Variants in HMCN1 observed in about 807,000 individuals in gnomAD.
The protein encoded by HMCN1 is hemicentin-1.
A neutral mutation model predicts 625.9 loss-of-function variants in HMCN1; 321 were observed. The ratio of observed to expected loss-of-function variants is 0.51; its 90% CI spans 0.47 to 0.56. HMCN1 has a LOEUF of 0.56. HMCN1 is among the 20% of genes least tolerant of loss of function. The probability of loss-of-function intolerance (pLI) is 0.00; values close to 1 mark genes in which losing one functional copy is unlikely to be tolerated. For synonymous variants in HMCN1, 2,425 were observed against 2,417.6 expected (o/e 1.00, Z -0.09); for missense variants, 6,588 against 6,887.3 (o/e 0.96, Z 1.54).
intron 1 of HMCN1, among the ~76,000 whole-genome samples, chr1:185,738,540 C>G (rs963181637): frequency 2.0e-5 from 3 of 152,152 alleles, no homozygotes; most frequent in African/African-American, 7.2e-5. Context: ...TGATATACCA[C>G]ATTTTGTTTA....
chr1:185,930,942 AC>A (rs1386975138), intron 10 of HMCN1, among the ~76,000 whole-genome samples: 2 of 151,844 alleles, frequency 1.3e-5, no homozygotes, highest in African/African-American at 4.8e-5. Context: ...ACACACACAC[AC>A]AGAGTACTAA....
intron 89 of HMCN1, among the ~76,000 whole-genome samples, chr1:186,138,277 C>T (rs541637470): frequency 2.2e-4 from 33 of 152,258 alleles, no homozygotes; most frequent in African/African-American, 7.9e-4. Flanking sequence ...AACATCTAAT[C>T]CAGCCATCCA....
chr1:185,781,686 T>A (rs577967974), intron 1 of HMCN1, among the ~76,000 whole-genome samples: 132 of 152,272 alleles, frequency 8.7e-4, no homozygotes, highest in African/African-American at 3.0e-3. Flanking sequence ...CCTGAGTTCT[T>A]ATTTGATTGC....
chr1:185,930,643 C>CT (rs971832245), intron 10 of HMCN1, among the ~76,000 whole-genome samples: 1 of 152,074 alleles, frequency 6.6e-6, no homozygotes, highest in African/African-American at 2.4e-5. Context: ...TTTGCCAGCA[C>CT]TTTTTTTCTA....
intron 2 of HMCN1, 96 bp downstream of exon 2, chr1:185,846,192 T>G (rs550562248): frequency 9.9e-7 from 1 of 1,005,084 alleles, no homozygotes; most frequent in East Asian, 2.5e-5. Context: ...ACATAGTTGT[T>G]GGCTTTTTAA....
At chr1:186,067,742 A>G (rs1658220299) in intron 49 of HMCN1, 92 bp from the exon 50 acceptor site, 3 of 850,114 alleles carry the variant, frequency 3.5e-6, no homozygotes, top group Non-Finnish European at 3.9e-6. Context: ...CTAGGGAATG[A>G]AATTATACAA....
At position 186,086,112 on chromosome 1, in the gene HMCN1, G is replaced by A. The variant is rs1465173885; in HGVS notation, c.8885-134G>A. 4 of 805,874 alleles carry A rather than the reference G, an allele frequency of 5.0e-6. No homozygotes were observed. In the African/African-American group the frequency reaches 6.9e-5, roughly 14 times the overall value. The allele number at this position is 805,874 out of a possible 1,614,324, so 49.9% of individuals were successfully genotyped here. On this transcript the variant is annotated intron_variant, in intron 57 of 106. Transcript: ENST00000271588. ...TGATGAAGGCATTAGGGAATTGTAA[G>A]ACAGACAGCTAGATAATGAACAGAA...
chr1:185,873,960 T>G (rs1200649535), intron 4 of HMCN1, among the ~76,000 whole-genome samples: 1 of 151,994 alleles, frequency 6.6e-6, no homozygotes, highest in Non-Finnish European at 1.5e-5. Context: ...AAGTTATAAC[T>G]TTTGTGCTAA....
Position 186,174,187 on chromosome 1 carries a change from C to T in HMCN1, c.15815-327C>T, listed in dbSNP as rs1652417085. On this transcript the variant is annotated intron_variant, in intron 102 of 106. Coordinates refer to ENST00000271588, the MANE Select transcript of HMCN1 (RefSeq NM_031935.3). Reference sequence around the variant, plus strand: ...ACTGTAGATCAGAAGCAATGTAGCACTATTGCTCTCAATCTGCCTAAACTC... The same window carrying T: ...ACTGTAGATCAGAAGCAATGTAGCATTATTGCTCTCAATCTGCCTAAACTC... Among the ~76,000 whole-genome samples, 5 of 152,074 alleles carry T rather than the reference C, an allele frequency of 3.3e-5. No individual in the cohort carries two copies. The South Asian group carries it at 8.3e-4, about 25-fold the overall frequency.
chr1:185,827,045 G>A (rs1157422236), intron 1 of HMCN1, among the ~76,000 whole-genome samples: 3 of 151,672 alleles, frequency 2.0e-5, no homozygotes, highest in Admixed American at 6.6e-5. Context: ...GCGTGGTAGC[G>A]CCTGTAGTCC....
chr1:185,899,378 T>C (rs1286362502), intron 4 of HMCN1, among the ~76,000 whole-genome samples: 1 of 152,094 alleles, frequency 6.6e-6, no homozygotes, highest in Non-Finnish European at 1.5e-5. Flanking sequence ...CAACCAAAAA[T>C]GCAGCGAAAA....
At position 185,853,215 on chromosome 1, in the gene HMCN1, A is replaced by G. The variant is rs1662267724; in HGVS notation, c.339+7119A>G. 2.6e-5 allele frequency among the ~76,000 whole-genome samples: 4 copies of G among 152,264 alleles called. No homozygotes were observed. In the East Asian group the frequency reaches 5.8e-4, roughly 22 times the overall value. ...TCAACAAAATGAATTTATTTCTCAA[A>G]TATTTTTACTTCATTCCTATCTCCA... is the stretch of plus-strand genomic sequence containing the variant. On this transcript the variant is annotated intron_variant, in intron 2 of 106. Coordinates refer to ENST00000271588, the MANE Select transcript of HMCN1 (RefSeq NM_031935.3).
chr1:186,099,802 A>G (rs1402114157), intron 68 of HMCN1, among the ~76,000 whole-genome samples: 1 of 152,150 alleles, frequency 6.6e-6, no homozygotes, highest in Non-Finnish European at 1.5e-5. Flanking sequence ...CCTGAAACTG[A>G]GTGTAAGAGG....
At chr1:186,052,386 C>A (rs1464006429) in intron 42 of HMCN1, among the ~76,000 whole-genome samples, 1 of 152,046 alleles carries the variant, frequency 6.6e-6, no homozygotes, top group African/African-American at 2.4e-5. Flanking sequence ...TTGAGAAAAT[C>A]ATGGGTAGTC....
Position 186,063,094 on chromosome 1 carries a change from A to ATG in HMCN1, c.7513+495_7513+496insGT, listed in dbSNP as rs1252308039. On this transcript the variant is annotated intron_variant, in intron 48 of 106. Coordinates refer to ENST00000271588, the MANE Select transcript of HMCN1 (RefSeq NM_031935.3). ...TATATATATATATATATATATATATATATATATATCACATTTTCATTACCC... is the reference window on the plus strand; with the variant it reads ...TATATATATATATATATATATATATATGTATATATATCACATTTTCATTACCC... Among the ~76,000 whole-genome samples, 18 of 122,728 alleles carry ATG rather than the reference A, an allele frequency of 1.5e-4. 1 individual carries two copies. The highest frequency in any genetic ancestry group is 4.9e-4 in the African/African-American group (16 of 32,918). 80.5% of individuals were successfully genotyped at this position (122,728 alleles called of 152,430 possible).
chr1:185,803,554 T>C (rs1181426412), intron 1 of HMCN1, among the ~76,000 whole-genome samples: 1 of 152,070 alleles, frequency 6.6e-6, no homozygotes, highest in Non-Finnish European at 1.5e-5. Flanking sequence ...AAAGTAAGTC[T>C]CTAACAAAAG....
intron 11 of HMCN1, among the ~76,000 whole-genome samples, chr1:185,935,159 CT>C (rs1235502517): frequency 6.6e-6 from 1 of 152,050 alleles, no homozygotes; most frequent in African/African-American, 2.4e-5. Flanking sequence ...GAACTTGGTT[CT>C]TTATTTGAAG....
chr1:185,815,031 A>T (rs1211674939), intron 1 of HMCN1, among the ~76,000 whole-genome samples: 1 of 150,258 alleles, frequency 6.7e-6, no homozygotes, highest in Non-Finnish European at 1.5e-5. Context: ...GAGGGTAAGA[A>T]AAATCAGTGT....
intron 41 of HMCN1, among the ~76,000 whole-genome samples, chr1:186,048,033 T>C (rs1352601795): frequency 1.3e-5 from 2 of 152,188 alleles, no homozygotes; most frequent in Non-Finnish European, 2.9e-5. Flanking sequence ...GTGTTATTAC[T>C]TAAATATTAT....
Sources: allele counts gnomAD v4.1 joint callset (sites outside exome capture counted in the v4.1 genomes callset), GRCh38; gene constraint gnomAD v4.1.1; transcripts MANE v1.5; gene names NCBI Gene and HGNC (gene_info 2026-07-23, HGNC 2026-07-21).